ITSN2: variants seen among roughly 807,000 people sequenced by gnomAD.
ITSN2 encodes the protein intersectin-2.
Under a neutral mutation model 243.7 loss-of-function variants are expected in ITSN2, and 156 were observed. The observed-to-expected ratio is 0.64, with a 90% confidence interval of 0.56 to 0.73. ITSN2 has a LOEUF of 0.73. Ranked by LOEUF, ITSN2 falls within the 30% of genes least tolerant of loss-of-function variation. ITSN2 has a pLI of 0.00. For missense variants in ITSN2, 1,801 were observed against 1,996.1 expected (o/e 0.90, Z 1.86); for synonymous variants, 703 against 699.9 (o/e 1.00, Z -0.07).
At chr2:24,339,023 T>G (rs151030870) in intron 1 of ITSN2, among the ~76,000 whole-genome samples, 1 of 152,036 alleles carries the variant, frequency 6.6e-6, no homozygotes, top group Non-Finnish European at 1.5e-5. Flanking sequence ...TGACATTGTA[T>G]AGTGTGCAGA....
At chr2:24,203,927 T>C in intron 39 of ITSN2, 144 bp from the exon 40 acceptor site, 1 of 793,576 alleles carries the variant, frequency 1.3e-6, no homozygotes, top group Non-Finnish European at 2.0e-6. Flanking sequence ...ATGTCGTGAG[T>C]GGGTGTGTGG....
At chr2:24,311,703 T>G (rs1683279244) in intron 5 of ITSN2, 1 of 167,148 alleles carries the variant, frequency 6.0e-6, no homozygotes, top group African/African-American at 2.4e-5. Context: ...CGGTTATCGC[T>G]GATGAATACG....
At chr2:24,357,654 T>TC (rs1688575576) in intron 1 of ITSN2, among the ~76,000 whole-genome samples, 2 of 152,072 alleles carry the variant, frequency 1.3e-5, no homozygotes, top group South Asian at 4.1e-4. Context: ...AACAGTTTTT[T>TC]CACAAATTTT....
At chr2:24,319,652 C>G (rs1684319863) in intron 2 of ITSN2, among the ~76,000 whole-genome samples, 1 of 152,238 alleles carries the variant, frequency 6.6e-6, no homozygotes, top group African/African-American at 2.4e-5. Context: ...GACTCAATTA[C>G]TCAAACTCCA....
In ITSN2 at chr2:24,249,213, C is replaced by T. The variant is rs1452273830; in HGVS notation, c.3121-331G>A. 6.6e-6 allele frequency among the ~76,000 whole-genome samples: 1 copy of T among 152,176 alleles called. No homozygotes were observed. Among genetic ancestry groups the T allele is most frequent in the Admixed American group, 6.5e-5 (1 of 15,284 alleles). ...CTCCATTTATCAATGGCGTTAGCAC[C>T]AATGCCCACTATGCACAACATATGT... is the stretch of plus-strand genomic sequence containing the variant. On this transcript the variant is annotated intron_variant, in intron 25 of 39. Transcript: ENST00000355123. This position sits in a 1 kb window ranked among gnomAD's most constrained non-coding sequence, Gnocchi z 4.4.
At chr2:24,216,438 G>GA (rs1191291622) in intron 31 of ITSN2, 319 of 419,338 alleles carry the variant, frequency 7.6e-4, no homozygotes, top group Middle Eastern at 1.8e-3. Flanking sequence ...TGTCAGCAAA[G>GA]AAAAAAAAAG....
intron 17 of ITSN2, among the ~76,000 whole-genome samples, chr2:24,276,470 C>T (rs1304964424): frequency 6.6e-6 from 1 of 152,162 alleles, no homozygotes; most frequent in Non-Finnish European, 1.5e-5. Context: ...CTGACTCCCA[C>T]GTCTACAGAC....
intron 20 of ITSN2, among the ~76,000 whole-genome samples, chr2:24,264,119 C>T (rs915320001): frequency 9.9e-5 from 15 of 152,198 alleles, no homozygotes; most frequent in South Asian, 4.1e-4. Context: ...AGGCTGGGCA[C>T]GGTGGCTCAT....
Position 24,270,707 on chromosome 2 carries a change from A to C in ITSN2, c.2319T>G (p.His773Gln), listed in dbSNP as rs138970950. Residue 773 changes from histidine to glutamine, a missense_variant, in exon 20 of 40, where the codon CAT becomes CAG. Around this residue, in one of 5 missense-constraint regions of ITSN2, gnomAD observed 787 missense variants for 803.9 expected, o/e 0.98. Transcript: ENST00000355123. ...CTCCAGAATTAAAACTCATCTCATC[A>C]TGGTTCCTTGCTTCAAAGGGGTATA... is the stretch of plus-strand genomic sequence containing the variant. ...RALYPFEARN[H>Q]DEMSFNSGDI... The C allele has an allele frequency of 5.6e-6, 9 of 1,602,794 alleles. No individual in the cohort carries two copies. In the African/African-American group the frequency reaches 9.4e-5, roughly 17 times the overall value.
At chr2:24,227,711 A>T (rs544422681) in intron 29 of ITSN2, among the ~76,000 whole-genome samples, 1 of 152,130 alleles carries the variant, frequency 6.6e-6, no homozygotes, top group East Asian at 1.9e-4. Flanking sequence ...ACCTGAGGTC[A>T]AGAGTTCAAG....
chr2:24,333,818 A>C (rs1181709990), intron 1 of ITSN2, among the ~76,000 whole-genome samples: 1 of 152,228 alleles, frequency 6.6e-6, no homozygotes, highest in Non-Finnish European at 1.5e-5. Flanking sequence ...CTGCTTTTAC[A>C]AACGGTCAGT....
intron 28 of ITSN2, among the ~76,000 whole-genome samples, 178 bp from the exon 29 acceptor site, chr2:24,246,498 C>T (rs1673385069): frequency 6.6e-6 from 1 of 152,114 alleles, no homozygotes; most frequent in Non-Finnish European, 1.5e-5. Context: ...CTTACAAAAA[C>T]AAGAATTTCC....
chr2:24,337,315 AATATATATAT>A lies in ITSN2; in HGVS notation c.-33-9210_-33-9201del, dbSNP rs201712131. On this transcript the variant is annotated intron_variant, in intron 1 of 39. Coordinates refer to ENST00000355123, the MANE Select transcript of ITSN2 (RefSeq NM_006277.3). ...TGTGTGTGTGTGTGTGTATACACAA[AATATATATAT>A]ATATATATATATATATATATATATA... Among the ~76,000 whole-genome samples the A allele has an allele frequency of 3.6e-3, 116 of 32,020 alleles. 11 individuals carry two copies. The Middle Eastern group carries it at 0.074, about 20-fold the overall frequency. The allele number at this position is 32,020 out of a possible 152,430, so 21.0% of individuals were successfully genotyped here. A position where few individuals can be genotyped will look rare whatever the true frequency, so the allele number is the denominator to read the frequency against.
chr2:24,301,981 C>T lies in ITSN2; in HGVS notation c.979G>A (p.Val327Ile). 1 of 1,609,496 alleles carries T rather than the reference C, an allele frequency of 6.2e-7. No homozygotes were observed. Among genetic ancestry groups the T allele is most frequent in the South Asian group, 1.1e-5 (1 of 90,410 alleles). Residue 327 changes from valine (V) to isoleucine (I), a missense_variant, in exon 10 of 40, where the codon GTT becomes ATT. By Grantham distance (29) the Val-to-Ile change is conservative (BLOSUM62 3). This residue lies in a region of ITSN2 where 787 missense variants were observed against 803.9 expected (regional missense o/e 0.98). Transcript: ENST00000355123. ...PLPLTLPPELVPPSFRGGKQI... is the reference protein window; with the variant it reads ...PLPLTLPPELIPPSFRGGKQI... ...CACACTCACCTGAAAGATGGAGGAA[C>T]AAGCTCAGGAGGTAAAGTCAGTGGT...
intron 29 of ITSN2, chr2:24,241,560 T>C (rs554266063): frequency 1.3e-5 from 2 of 152,738 alleles, no homozygotes; most frequent in Non-Finnish European, 2.9e-5. Context: ...CCCAAAATGT[T>C]GTTATTCCCA....
chr2:24,341,095 G>C (rs1212246602), intron 1 of ITSN2, among the ~76,000 whole-genome samples: 1 of 152,166 alleles, frequency 6.6e-6, no homozygotes, highest in Non-Finnish European at 1.5e-5. Context: ...GATGAAAGAG[G>C]AGCATCACAG....
At position 24,211,896 on chromosome 2, in the gene ITSN2, T is replaced by G. The variant is rs1669525302; in HGVS notation, c.4089+754A>C. ...ATGAAGGGGCTGTGAACCTGCATTA[T>G]GGTTCAGTTTAGTGCAGGCGTCTAT... On this transcript the variant is annotated intron_variant, in intron 33 of 39. Coordinates refer to ENST00000355123, the MANE Select transcript of ITSN2 (RefSeq NM_006277.3). The surrounding 1 kb of genome is among the most constrained non-coding windows in gnomAD (Gnocchi z 4.1). Among the ~76,000 whole-genome samples, 1 of 152,220 alleles carries G rather than the reference T, an allele frequency of 6.6e-6. No homozygotes were observed. Among genetic ancestry groups the G allele is most frequent in the Admixed American group, 6.5e-5 (1 of 15,276 alleles).
chr2:24,298,688 G>T lies in ITSN2; in HGVS notation c.1471C>A (p.Leu491Ile). 1.2e-6 allele frequency: 2 copies of T among 1,603,266 alleles called. No individual in the cohort carries two copies. The highest frequency in any genetic ancestry group is 4.5e-5 in the East Asian group (2 of 44,710). Residue 491 changes from leucine (L) to isoleucine (I), a missense_variant, in exon 13 of 40, where the codon CTT becomes ATT. By Grantham distance (5) the Leu-to-Ile change is conservative. Around this residue, in one of 5 missense-constraint regions of ITSN2, gnomAD observed 787 missense variants for 803.9 expected, o/e 0.98. Transcript: ENST00000355123. ...IVRLNSKKKN[L>I]HLELEALNGK... is the part of the protein sequence containing the mutation. ...ACCAGTGCTTCCAACTCAAGATGAA[G>T]ATTCTTCTTTTTAGAGTTTAACCTG...
chr2:24,212,990 G>A (rs764312380), intron 32 of ITSN2, among the ~76,000 whole-genome samples: 1 of 152,040 alleles, frequency 6.6e-6, no homozygotes, highest in Non-Finnish European at 1.5e-5. Flanking sequence ...GTAAAGTGAG[G>A]GGGCTTCGAC....
Sources: allele counts gnomAD v4.1 joint callset (sites outside exome capture counted in the v4.1 genomes callset), GRCh38; gene constraint gnomAD v4.1.1; regional missense constraint gnomAD v4.1.1; non-coding constraint Gnocchi (gnomAD v3.1); transcripts MANE v1.5; gene names NCBI Gene and HGNC (gene_info 2026-07-23, HGNC 2026-07-21).